The following SAMM50 variants were observed in gnomAD, a reference collection of about 807,000 sequenced individuals.
SAMM50 encodes sorting and assembly machinery component 50 homolog.
SAMM50 carries 47 observed loss-of-function variants against 66.9 expected under a neutral mutation model. The observed-to-expected ratio is 0.70, with a 90% CI of 0.56 to 0.90. SAMM50 has a LOEUF of 0.90. Ranked by LOEUF, SAMM50 falls within the 40% of genes least tolerant of loss-of-function variation. The pLI is 0.00. For missense variants in SAMM50, 535 were observed against 595.3 expected (o/e 0.90, Z 1.05); for synonymous variants, 191 against 214.1 (o/e 0.89, Z 0.94).
At chr22:43,963,463 G>A (rs1249300593) in intron 2 of SAMM50, 67 bp downstream of exon 2, 7 of 952,652 alleles carry the variant, frequency 7.3e-6, no homozygotes, top group Admixed American at 2.2e-5. Flanking sequence ...ACACCACTAG[G>A]GAGATGTAAA....
intron 12 of SAMM50, among the ~76,000 whole-genome samples, chr22:43,984,429 C>T (rs989715406): frequency 3.3e-5 from 5 of 151,614 alleles, no homozygotes; most frequent in African/African-American, 1.2e-4. Context: ...TCTCCTGCCT[C>T]AGCCTCCCAA....
At chr22:43,956,434 G>C (rs1380580438) in intron 1 of SAMM50, among the ~76,000 whole-genome samples, 1 of 152,154 alleles carries the variant, frequency 6.6e-6, no homozygotes. Context: ...GCCTGACATC[G>C]ATAATTGGAC....
At chr22:43,965,695 T>A (rs1223531371) in intron 3 of SAMM50, among the ~76,000 whole-genome samples, 1 of 151,332 alleles carries the variant, frequency 6.6e-6, no homozygotes, top group East Asian at 2.0e-4. Context: ...TGTATAAACA[T>A]GTATGTTCCT....
rs531342286 is a variant in SAMM50, at chr22:43,959,270, C to T, written c.21+3672C>T. 2.9e-3 allele frequency among the ~76,000 whole-genome samples: 434 copies of T among 151,982 alleles called. 2 individuals carry two copies. Among genetic ancestry groups the T allele is most frequent in the Non-Finnish European group, 5.0e-3 (339 of 67,958 alleles). On this transcript the variant is annotated intron_variant, in intron 1 of 14. Coordinates refer to ENST00000350028, the MANE Select transcript of SAMM50 (RefSeq NM_015380.5). ...CTGATCTCAGGTGATCTGCCTGCCT[C>T]AGCCTCCTGAAGTGTTGGGATTACA...
At position 43,975,925 on chromosome 22, in the gene SAMM50, C is replaced by A. The variant is rs1440058379; in HGVS notation, c.649-130C>A. On this transcript the variant is annotated intron_variant, in intron 7 of 14. Transcript: ENST00000350028. ...CCCTTCTTCTCTTCTTCCCCTTCTC[C>A]CTCTCTCTCATCATTAAAAAAAATT... 4.5e-6 allele frequency: 4 copies of A among 890,462 alleles called. No homozygotes were observed. The Admixed American group carries it at 8.2e-5, about 18-fold the overall frequency. The allele number at this position is 890,462 out of a possible 1,614,324, so 55.2% of individuals were successfully genotyped here. A position where few individuals can be genotyped will look rare whatever the true frequency, so the allele number is the denominator to read the frequency against.
chr22:43,970,503 G>A (rs377344379), intron 4 of SAMM50, among the ~76,000 whole-genome samples: 36 of 152,310 alleles, frequency 2.4e-4, no homozygotes, highest in African/African-American at 7.9e-4. Flanking sequence ...CCTAGGTGTT[G>A]TACACGGCAC....
chr22:43,976,477 T>G (rs939056354), intron 8 of SAMM50, among the ~76,000 whole-genome samples: 7 of 152,348 alleles, frequency 4.6e-5, no homozygotes, highest in African/African-American at 1.7e-4. Flanking sequence ...GTCGAGCTCC[T>G]TGAGAGAACG....
chr22:43,975,729 G>T, intron 7 of SAMM50: 1 of 214,604 alleles, frequency 4.7e-6, no homozygotes, highest in Non-Finnish European at 9.6e-6. Context: ...CCATTACAAA[G>T]AAGTGGGAAA....
chr22:43,972,831 C>T (rs557504811), intron 5 of SAMM50, 40 bp from the exon 6 acceptor site: 35 of 1,560,296 alleles, frequency 2.2e-5, no homozygotes, highest in Non-Finnish European at 3.0e-5. Flanking sequence ...CTCATTCCTT[C>T]AATGTAGACC....
chr22:43,976,441 C>A (rs985625609), intron 8 of SAMM50, among the ~76,000 whole-genome samples: 1 of 152,218 alleles, frequency 6.6e-6, no homozygotes, highest in Non-Finnish European at 1.5e-5. Flanking sequence ...AAGGAGGAAC[C>A]AGGCTGAGCC....
intron 7 of SAMM50, among the ~76,000 whole-genome samples, 192 bp downstream of exon 7, chr22:43,973,515 A>G (rs987886830): frequency 6.6e-6 from 1 of 152,206 alleles, no homozygotes; most frequent in African/African-American, 2.4e-5. Flanking sequence ...GCTGATGCCC[A>G]TGTTAGCAGC....
chr22:43,963,379 A>G lies in SAMM50; in HGVS notation c.115A>G (p.Ile39Val), dbSNP rs753886150. ...VEVEPEAKQEILENKDVVVQH... is the reference protein window; with the variant it reads ...VEVEPEAKQEVLENKDVVVQH... ...AGTTGAGCCTGAAGCTAAACAGGAA[A>G]TTCTTGAAAACAAAGATGTGAGTTT... Residue 39 changes from isoleucine to valine, a missense_variant, in exon 2 of 15, where the codon ATT (isoleucine) becomes GTT (valine). By Grantham distance (29) the Ile-to-Val change is conservative (BLOSUM62 3). Coordinates refer to ENST00000350028, the MANE Select transcript of SAMM50 (RefSeq NM_015380.5). The G allele has an allele frequency of 2.5e-6, 4 of 1,609,306 alleles. No homozygotes were observed. Among genetic ancestry groups the G allele is most frequent in the Non-Finnish European group, 3.4e-6 (4 of 1,177,598 alleles).
At chr22:43,991,225 C>G (rs934292361) in intron 14 of SAMM50, among the ~76,000 whole-genome samples, 1 of 151,900 alleles carries the variant, frequency 6.6e-6, no homozygotes, top group Non-Finnish European at 1.5e-5. Context: ...ATCTGCCTGC[C>G]TCAGCCTCCC....
intron 3 of SAMM50, 74 bp from the exon 4 acceptor site, chr22:43,968,633 ACCGAATGGTAAACTACCAGCCTCG>A: frequency 1.2e-6 from 1 of 824,706 alleles, no homozygotes; most frequent in Admixed American, 1.8e-5. Flanking sequence ...CTGACTTAGC[ACCGAATGGTAAACTACCAGCCTCG>A]CCGTGTGGCT....
chr22:43,985,927 C>T (rs1338191952), intron 12 of SAMM50, among the ~76,000 whole-genome samples: 1 of 151,000 alleles, frequency 6.6e-6, no homozygotes, highest in Non-Finnish European at 1.5e-5. Context: ...AAGCTTTGGA[C>T]ATTGAGTTTG....
intron 12 of SAMM50, among the ~76,000 whole-genome samples, chr22:43,985,680 G>C (rs2050288598): frequency 6.6e-6 from 1 of 151,960 alleles, no homozygotes; most frequent in Non-Finnish European, 1.5e-5. Flanking sequence ...AGGTTGTTGT[G>C]GACAGCTTCT....
At chr22:43,991,423 C>G (rs1027552331) in intron 14 of SAMM50, among the ~76,000 whole-genome samples, 1 of 151,816 alleles carries the variant, frequency 6.6e-6, no homozygotes, top group Non-Finnish European at 1.5e-5. Flanking sequence ...GACTACACAC[C>G]AGGCTAATTT....
intron 1 of SAMM50, among the ~76,000 whole-genome samples, chr22:43,962,561 G>C (rs1454847828): frequency 6.6e-6 from 1 of 152,198 alleles, no homozygotes; most frequent in Non-Finnish European, 1.5e-5. Context: ...GTGAGCATAT[G>C]CAGTTCCCTT....
At chr22:43,989,336 TGTC>T (rs1195252965) in intron 13 of SAMM50, 79 bp downstream of exon 13, 30 of 1,333,808 alleles carry the variant, frequency 2.2e-5, no homozygotes, top group Non-Finnish European at 2.9e-5. Context: ...AAGAGGTGTC[TGTC>T]TTTTTTTTTT....
Sources: allele counts gnomAD v4.1 joint callset (sites outside exome capture counted in the v4.1 genomes callset), GRCh38; gene constraint gnomAD v4.1.1; transcripts MANE v1.5; gene names NCBI Gene and HGNC (gene_info 2026-07-23, HGNC 2026-07-21).